The following ADAM7 variants were observed in gnomAD, a reference collection of about 807,000 sequenced individuals.
ADAM7 encodes the protein ADAM metallopeptidase domain 7.
In ADAM7, 97 loss-of-function variants were observed where a neutral mutation model predicts 102.9. That is an observed-to-expected ratio of 0.94 (90% CI 0.80 to 1.12). ADAM7 has a LOEUF of 1.12. Among genes scored for constraint, ADAM7 ranks in the 50% most tolerant of loss-of-function variants. ADAM7 has a pLI of 0.00. For synonymous variants in ADAM7, 334 were observed against 304.4 expected (o/e 1.10, Z -1.01); for missense variants, 991 against 908.7 (o/e 1.09, Z -1.16).
chr8:24,445,479 T>C (rs145132332), intron 2 of ADAM7, among the ~76,000 whole-genome samples: 20 of 152,312 alleles, frequency 1.3e-4, no homozygotes, highest in African/African-American at 4.6e-4. Context: ...CTGGGCTTAG[T>C]CTTGACTACT....
At position 24,489,312 on chromosome 8, in the gene ADAM7, G is replaced by C. The variant is rs766147103; in HGVS notation, c.1245G>C (p.Glu415Asp). 6 of 1,612,424 alleles carry C rather than the reference G, an allele frequency of 3.7e-6. No homozygotes were observed. The highest frequency in any genetic ancestry group is 5.1e-6 in the Non-Finnish European group (6 of 1,179,254). The change falls in exon 12 of 22, where the codon GAG becomes GAC. Residue 415 changes from glutamate to aspartate, a missense_variant. Coordinates refer to ENST00000175238, the MANE Select transcript of ADAM7 (RefSeq NM_003817.4). ...ACAAGAAGTTGGATGAGGGTGAAGA[G>C]TGTGACTGTGGCCCTGCTCAGGTAT... ...CGNKKLDEGE[E>D]CDCGPAQECT...
Position 24,487,174 on chromosome 8 carries a change from G to T in ADAM7, c.961-13G>T, listed in dbSNP as rs1374389536. The T allele has an allele frequency of 5.0e-6, 8 of 1,612,154 alleles. No individual in the cohort carries two copies. The South Asian group carries it at 7.7e-5, about 16-fold the overall frequency. On this transcript the variant is annotated splice_polypyrimidine_tract_variant and intron_variant, in intron 10 of 21. Coordinates refer to ENST00000175238, the MANE Select transcript of ADAM7 (RefSeq NM_003817.4). Reference sequence around the variant, plus strand: ...ACTTTTGAAAATTTCTAATGCAATTGTTTTATCATCAGGATCTTTTACCTG... The same window carrying T: ...ACTTTTGAAAATTTCTAATGCAATTTTTTTATCATCAGGATCTTTTACCTG...
intron 3 of ADAM7, among the ~76,000 whole-genome samples, chr8:24,456,814 G>A (rs1819052822): frequency 1.3e-5 from 2 of 152,096 alleles, no homozygotes; most frequent in Admixed American, 1.3e-4. Context: ...GCAGTATTCT[G>A]TTGAATAAAT....
intron 1 of ADAM7, 99 bp downstream of exon 1, chr8:24,441,259 G>GT: frequency 8.2e-7 from 1 of 1,223,276 alleles, no homozygotes; most frequent in Non-Finnish European, 1.2e-6. Flanking sequence ...AACATTAAAC[G>GT]TTGATGATTT....
rs78678439 is a variant in ADAM7 at position 24,492,049 on chromosome 8, G to A, written c.1503G>A (p.Met501Ile). 1.0e-4 allele frequency: 162 copies of A among 1,613,918 alleles called. No individual in the cohort carries two copies. The African/African-American group carries it at 2.0e-3, about 20-fold the overall frequency. The change falls in exon 14 of 22, where the codon ATG (methionine) becomes ATA (isoleucine). Residue 501 changes from methionine to isoleucine, a missense_variant. Met to Ile is a conservative substitution (Grantham distance 10). Coordinates refer to ENST00000175238, the MANE Select transcript of ADAM7 (RefSeq NM_003817.4). The stretch of plus-strand genomic sequence containing the variant: ...AGAACTCAGAAGGCTACTGTTTCAT[G>A]GGGAAATGTCCAACTCGTGAGGATC... ...PCKNSEGYCF[M>I]GKCPTREDQC...
intron 12 of ADAM7, chr8:24,490,425 C>G (rs1373195802): frequency 6.2e-6 from 1 of 160,816 alleles, no homozygotes; most frequent in Admixed American, 6.4e-5. Flanking sequence ...AAATAATGGA[C>G]AGCTTGAGCA....
chr8:24,465,751 G>A lies in ADAM7; in HGVS notation c.365G>A (p.Ser122Asn), dbSNP rs1819403504. Residue 122 changes from serine to asparagine, a missense_variant, in exon 5 of 22, where the codon AGT (serine) becomes AAT (asparagine). Transcript: ENST00000175238. ...SIVHEYDSAA[S>N]ISTCNGLRGF... ...GTACACGAATATGATTCAGCTGCCA[G>A]TATCAGTACGTGTAATGGTCTAAGG... 6.2e-7 allele frequency: 1 copy of A among 1,610,446 alleles called. No individual in the cohort carries two copies. The highest frequency in any genetic ancestry group is 1.3e-5 in the African/African-American group (1 of 74,790).
intron 20 of ADAM7, among the ~76,000 whole-genome samples, chr8:24,503,974 A>G (rs950682511): frequency 1.3e-5 from 2 of 151,672 alleles, no homozygotes; most frequent in Non-Finnish European, 2.9e-5. Context: ...GTGTATACCT[A>G]TGTAATAAAC....
chr8:24,451,086 A>G (rs960934836), intron 3 of ADAM7, among the ~76,000 whole-genome samples: 35 of 151,986 alleles, frequency 2.3e-4, no homozygotes, highest in African/African-American at 8.5e-4. Context: ...ATCAATGTTC[A>G]TCAAGGATAT....
chr8:24,457,329 A>G (rs1819071270), intron 3 of ADAM7, among the ~76,000 whole-genome samples: 1 of 151,990 alleles, frequency 6.6e-6, no homozygotes, highest in Admixed American at 6.6e-5. Flanking sequence ...AGGCTGGAGT[A>G]GAGTGGCACG....
At chr8:24,490,301 C>T (rs1291836179) in intron 12 of ADAM7, 1 of 153,134 alleles carries the variant, frequency 6.5e-6, no homozygotes, top group East Asian at 1.9e-4. Context: ...ACATGAGGTA[C>T]CTTATCCGGC....
intron 6 of ADAM7, chr8:24,467,356 T>TC: frequency 3.5e-6 from 1 of 286,440 alleles, no homozygotes; most frequent in Non-Finnish European, 6.4e-6. Context: ...AGCTATGTTC[T>TC]CCCCTTTTTA....
At chr8:24,489,662 A>T (rs1186844959) in intron 12 of ADAM7, among the ~76,000 whole-genome samples, 1 of 152,180 alleles carries the variant, frequency 6.6e-6, no homozygotes, top group East Asian at 1.9e-4. Flanking sequence ...AATCTGCTCT[A>T]CAAAATCTCT....
At chr8:24,480,838 A>G (rs1819924911) in intron 8 of ADAM7, among the ~76,000 whole-genome samples, 1 of 152,100 alleles carries the variant, frequency 6.6e-6, no homozygotes, top group Admixed American at 6.6e-5. Flanking sequence ...CCAGGAGTTC[A>G]AGACTAGACT....
chr8:24,447,667 C>T (rs558638429), intron 3 of ADAM7, among the ~76,000 whole-genome samples: 9 of 152,078 alleles, frequency 5.9e-5, no homozygotes, highest in African/African-American at 7.2e-5. Context: ...AGAAATGTAG[C>T]GCATTTGCTT....
At chr8:24,471,379 C>T (rs1242712144) in intron 7 of ADAM7, among the ~76,000 whole-genome samples, 1 of 151,934 alleles carries the variant, frequency 6.6e-6, no homozygotes, top group African/African-American at 2.4e-5. Flanking sequence ...TTTATGTTCA[C>T]TCACCATTCA....
At position 24,441,117 on chromosome 8, in the gene ADAM7, C is replaced by T. The variant is rs1178281383; in HGVS notation, c.9C>T (p.Pro3=). Residue 3 remains proline, a synonymous_variant, in exon 1 of 22, where the codon CCC becomes CCT. Transcript: ENST00000175238. The part of the protein sequence containing the change: ML[P]GCIFLMILLI... ...TACCAGAATCACTCAGAATGCTTCC[C>T]GGGTGTATATTCTTGATGATTTTAC... The T allele has an allele frequency of 1.7e-5, 27 of 1,613,572 alleles. No homozygotes were observed. The highest frequency in any genetic ancestry group is 6.7e-5 in the East Asian group (3 of 44,890).
intron 10 of ADAM7, among the ~76,000 whole-genome samples, chr8:24,485,653 T>C (rs888395112): frequency 2.0e-5 from 3 of 152,166 alleles, no homozygotes; most frequent in Non-Finnish European, 4.4e-5. Context: ...TAGCTACTTA[T>C]AAGGACAAAT....
intron 7 of ADAM7, among the ~76,000 whole-genome samples, chr8:24,474,898 G>A (rs1353772972): frequency 1.3e-5 from 2 of 151,830 alleles, no homozygotes; most frequent in Non-Finnish European, 2.9e-5. Context: ...TTGTCTCAAG[G>A]AACAACAACA....
Sources: allele counts gnomAD v4.1 joint callset (sites outside exome capture counted in the v4.1 genomes callset), GRCh38; gene constraint gnomAD v4.1.1; transcripts MANE v1.5; gene names NCBI Gene and HGNC (gene_info 2026-07-23, HGNC 2026-07-21).